PHF19: variants seen among roughly 807,000 people sequenced by gnomAD.
PHF19 encodes the protein PHD finger protein 19.
Under a neutral mutation model 79.8 loss-of-function variants are expected in PHF19, and 21 were observed. The observed-to-expected ratio is 0.26, with a 90% CI of 0.19 to 0.38. PHF19 has a LOEUF of 0.38. PHF19 is among the 10% of genes least tolerant of loss of function. PHF19 has a pLI of 1.00. For missense variants in PHF19, 445 were observed against 744.2 expected (o/e 0.60, Z 4.68); for synonymous variants, 273 against 296.3 (o/e 0.92, Z 0.81).
At position 120,874,661 on chromosome 9, in the gene PHF19, C is replaced by A. The variant is rs201566531; in HGVS notation, c.81G>T (p.Ala27=). The change falls in exon 2 of 15, where the codon GCG becomes GCT. Residue 27 remains alanine, a synonymous_variant. Coordinates refer to ENST00000373896, the MANE Select transcript of PHF19 (RefSeq NM_015651.3). The surrounding 1 kb of genome is among the most constrained non-coding windows in gnomAD (Gnocchi z 4.5). The stretch of plus-strand genomic sequence containing the variant: ...AGTCTTTGAAGTTGTTCTTGACCTT[C>A]GCCAGGGCCCCCTTGTTGGGGAGGT... ...TSHLPNKGAL[A]KVKNNFKDLM... is the part of the protein sequence containing the mutation. The A allele has an allele frequency of 1.9e-6, 3 of 1,613,798 alleles. No homozygotes were observed. The highest frequency in any genetic ancestry group is 2.2e-5 in the East Asian group (1 of 44,890).
At position 120,870,866 on chromosome 9, in the gene PHF19, GGTT is replaced by G. The variant is rs982591553; in HGVS notation, c.269-331_269-329del. Among the ~76,000 whole-genome samples the G allele has an allele frequency of 3.9e-5, 6 of 152,256 alleles. No individual in the cohort carries two copies. Among genetic ancestry groups the G allele is most frequent in the East Asian group, 3.9e-4 (2 of 5,190 alleles). Reference sequence around the variant, plus strand: ...CCTTATTTAACTTGTTTTGTTAAATGGTTGTTATTTTCTTAAAACTTTATTATG... The same window carrying G: ...CCTTATTTAACTTGTTTTGTTAAATGGTTATTTTCTTAAAACTTTATTATG... On this transcript the variant is annotated intron_variant, in intron 3 of 14. Coordinates refer to ENST00000373896, the MANE Select transcript of PHF19 (RefSeq NM_015651.3). The surrounding 1 kb of genome is among the most constrained non-coding windows in gnomAD (Gnocchi z 4.4).
upstream of PHF19, among the ~76,000 whole-genome samples, chr9:120,878,402 AC>A (rs1044009721): frequency 4.8e-4 from 72 of 151,320 alleles, 1 homozygote; most frequent in Non-Finnish European, 2.4e-4. Flanking sequence ...CAATAACCCC[AC>A]CCCCATCCTT....
rs775686890 is a variant in PHF19, at chr9:120,862,843, C to T, written c.969-94G>A. 8.3e-7 allele frequency: 1 copy of T among 1,197,622 alleles called. No homozygotes were observed. 74.2% of individuals were successfully genotyped at this position (1,197,622 alleles called of 1,614,324 possible). On this transcript the variant is annotated intron_variant, in intron 10 of 14. Transcript: ENST00000373896. This position sits in a 1 kb window ranked among gnomAD's most constrained non-coding sequence, Gnocchi z 4.6. ...AGCATGACACAAGCCTCTCTGCCTC[C>T]TTGGACCCAGAGCTAAAATCCGGAT... is the stretch of plus-strand genomic sequence containing the variant.
upstream of PHF19, among the ~76,000 whole-genome samples, chr9:120,879,536 G>T (rs903489241): frequency 6.6e-6 from 1 of 152,192 alleles, no homozygotes; most frequent in African/African-American, 2.4e-5. Flanking sequence ...ATCTCGTGGG[G>T]CTGTTGCATA....
At chr9:120,887,497 G>C (rs527236351) in intron 1 of PHF19, among the ~76,000 whole-genome samples, 15 of 152,178 alleles carry the variant, frequency 9.9e-5, no homozygotes, top group Non-Finnish European at 1.9e-4. Flanking sequence ...AAAAGATTCT[G>C]TCTGAAGACT....
rs1239473273 is a variant in PHF19 at position 120,857,641 on chromosome 9, G to A, written c.*303C>T. 3 of 305,674 alleles carry A rather than the reference G, an allele frequency of 9.8e-6. No individual in the cohort carries two copies. Among genetic ancestry groups the A allele is most frequent in the East Asian group, 5.5e-5 (1 of 18,150 alleles). 18.9% of individuals were successfully genotyped at this position (305,674 alleles called of 1,614,324 possible). A position where few individuals can be genotyped will look rare whatever the true frequency, so the allele number is the denominator to read the frequency against. ...CTGGGGACAAAGACCTGGGCCTCAG[G>A]AGGAAGGGTCCCAGCGCAGGGGACA... On this transcript the variant is annotated 3_prime_UTR_variant, in exon 15 of 15. Coordinates refer to ENST00000373896, the MANE Select transcript of PHF19 (RefSeq NM_015651.3).
the PHF19 span, among the ~76,000 whole-genome samples, chr9:120,901,900 T>C: frequency 2.6e-5 from 4 of 152,196 alleles, no homozygotes; most frequent in South Asian, 2.1e-4. Context: ...CTGTAACACC[T>C]CCTCTGGCTT....
chr9:120,893,006 C>A (rs1190369703), intron 1 of PHF19, among the ~76,000 whole-genome samples: 1 of 152,200 alleles, frequency 6.6e-6, no homozygotes, highest in Non-Finnish European at 1.5e-5. Flanking sequence ...TGACTAACCT[C>A]TCTTAGCCTC....
chr9:120,863,028 C>T (rs2045581113), intron 10 of PHF19: 1 of 405,772 alleles, frequency 2.5e-6, no homozygotes, highest in Non-Finnish European at 4.6e-6. Context: ...CCCAAGGCCA[C>T]CTCCTGCAGG....
At position 120,870,432 on chromosome 9, in the gene PHF19, G is replaced by A. The variant is rs373970111; in HGVS notation, c.364+11C>T. On this transcript the variant is annotated intron_variant, in intron 4 of 14. Transcript: ENST00000373896. The surrounding 1 kb of genome is among the most constrained non-coding windows in gnomAD (Gnocchi z 4.4). ...TCGGGGCCTTCTCAGGGCCCTGCTC[G>A]CTCCACTCACCCAGGCCACACTTCC... 5.2e-5 allele frequency: 82 copies of A among 1,575,932 alleles called. No individual in the cohort carries two copies. Among genetic ancestry groups the A allele is most frequent in the Middle Eastern group, 1.7e-4 (1 of 5,972 alleles).
intron 9 of PHF19, among the ~76,000 whole-genome samples, chr9:120,865,107 T>G (rs563560514): frequency 1.3e-5 from 2 of 152,348 alleles, no homozygotes; most frequent in South Asian, 4.1e-4. Context: ...CTTTTTAAAT[T>G]CCTTTTCATC....
chr9:120,872,077 A>C (rs1442424372), intron 3 of PHF19, among the ~76,000 whole-genome samples: 1 of 139,122 alleles, frequency 7.2e-6, no homozygotes, highest in Non-Finnish European at 1.5e-5. Context: ...AAGAAATGGT[A>C]CCTCTTCATC....
upstream of PHF19, chr9:120,894,968 C>T (rs1238559250): frequency 5.2e-5 from 20 of 381,026 alleles, no homozygotes; most frequent in Non-Finnish European, 7.8e-5. Context: ...CACCAAAAAT[C>T]GATGGGAGCC....
chr9:120,886,794 G>T (rs1483266318), intron 1 of PHF19, among the ~76,000 whole-genome samples: 1 of 152,214 alleles, frequency 6.6e-6, no homozygotes, highest in African/African-American at 2.4e-5. Flanking sequence ...CATCAATCTA[G>T]GTGTCGCTGT....
chr9:120,869,706 C>T lies in PHF19; in HGVS notation c.465+139G>A, dbSNP rs907158056. The T allele has an allele frequency of 6.4e-7, 1 of 1,555,134 alleles. No homozygotes were observed. Among genetic ancestry groups the T allele is most frequent in the Admixed American group, 2.0e-5 (1 of 51,216 alleles). On this transcript the variant is annotated intron_variant, in intron 5 of 14. Coordinates refer to ENST00000373896, the MANE Select transcript of PHF19 (RefSeq NM_015651.3). This position sits in a 1 kb window ranked among gnomAD's most constrained non-coding sequence, Gnocchi z 5.8. ...GGAGTCTACAAATCCTGGCCAAGGA[C>T]AGTGGCAGAGGCGCTATCTGTCTCC...
chr9:120,861,003 G>A, intron 13 of PHF19, 86 bp downstream of exon 13: 1 of 817,068 alleles, frequency 1.2e-6, no homozygotes. Flanking sequence ...GCACAGCAGG[G>A]ATCCTTTTAA....
At position 120,874,912 on chromosome 9, in the gene PHF19, T is replaced by C. The variant is rs975373459; in HGVS notation, c.-15-156A>G. Among the ~76,000 whole-genome samples the C allele has an allele frequency of 1.3e-5, 2 of 152,122 alleles. No individual in the cohort carries two copies. The highest frequency in any genetic ancestry group is 1.9e-4 in the East Asian group (1 of 5,196). On this transcript the variant is annotated intron_variant, in intron 1 of 14. Transcript: ENST00000373896. This position sits in a 1 kb window ranked among gnomAD's most constrained non-coding sequence, Gnocchi z 4.5. ...TCGTGACCATCCTATGAGGGAGACA[T>C]TATTATTATTCACATCTTACAGATA...
chr9:120,885,727 C>CT (rs1317174127), intron 1 of PHF19, among the ~76,000 whole-genome samples: 1 of 152,182 alleles, frequency 6.6e-6, no homozygotes, highest in Non-Finnish European at 1.5e-5. Context: ...TGCCATGCCA[C>CT]TTTTGTCAGG....
chr9:120,878,924 C>T (rs2046136130), upstream of PHF19, among the ~76,000 whole-genome samples: 1 of 152,194 alleles, frequency 6.6e-6, no homozygotes, highest in African/African-American at 2.4e-5. Flanking sequence ...AGAACACTCC[C>T]ACTAGCTTCT....
Sources: allele counts gnomAD v4.1 joint callset (sites outside exome capture counted in the v4.1 genomes callset), GRCh38; gene constraint gnomAD v4.1.1; non-coding constraint Gnocchi (gnomAD v3.1); transcripts MANE v1.5; gene names NCBI Gene and HGNC (gene_info 2026-07-23, HGNC 2026-07-21).